The following DGKH variants were observed in gnomAD, a reference collection of about 807,000 sequenced individuals.
DGKH encodes diacylglycerol kinase eta.
DGKH carries 90 observed loss-of-function variants against 159.3 expected under a neutral mutation model. The observed-to-expected ratio is 0.57, with a 90% confidence interval of 0.48 to 0.67. DGKH has a LOEUF of 0.67. Ranked by LOEUF, DGKH falls within the 30% of genes least tolerant of loss-of-function variation. The pLI, the probability that DGKH is intolerant of heterozygous loss-of-function variation, is 0.00. For missense variants in DGKH, 1,181 were observed against 1,506.1 expected, an observed-to-expected ratio of 0.78 and a Z score of 3.57; for synonymous variants, 536 against 553.8, an observed-to-expected ratio of 0.97 and a Z score of 0.45.
At chr13:42,132,856 G>A (rs1318386968) in intron 3 of DGKH, among the ~76,000 whole-genome samples, 1 of 152,132 alleles carries the variant, frequency 6.6e-6, no homozygotes, top group Admixed American at 6.5e-5. Flanking sequence ...GGGCAACAGA[G>A]TGAGACCCTG....
intron 13 of DGKH, among the ~76,000 whole-genome samples, chr13:42,179,609 A>T (rs1373399926): frequency 2.6e-5 from 4 of 151,878 alleles, no homozygotes; most frequent in African/African-American, 2.4e-5. Flanking sequence ...CCTCATCTCT[A>T]CTCAAAGTAT....
intron 1 of DGKH, among the ~76,000 whole-genome samples, chr13:42,119,732 G>A (rs1309882491): frequency 6.6e-6 from 1 of 152,042 alleles, no homozygotes; most frequent in Non-Finnish European, 1.5e-5. Context: ...ATTTCTAAAT[G>A]TGCATTTCAG....
rs112993468 is a variant in DGKH, at chr13:42,215,255, T to C, written c.3121-320T>C. ...AGTCTAAAAAGCAATATGGTTAGTG[T>C]TACTGAGAGTAAAAGTTTTTTTTGA... On this transcript the variant is annotated intron_variant, in intron 25 of 29. Transcript: ENST00000337343. Among the ~76,000 whole-genome samples the C allele has an allele frequency of 3.4e-5, 5 of 146,504 alleles. 1 individual carries two copies. The highest frequency in any genetic ancestry group is 1.3e-4 in the African/African-American group (5 of 39,588).
At chr13:42,125,511 C>T (rs1250157767) in intron 1 of DGKH, among the ~76,000 whole-genome samples, 1 of 152,164 alleles carries the variant, frequency 6.6e-6, no homozygotes, top group Non-Finnish European at 1.5e-5. Flanking sequence ...CAGGTTCATA[C>T]TGTTATTGTA....
At chr13:42,118,876 G>C (rs1955012170) in intron 1 of DGKH, among the ~76,000 whole-genome samples, 1 of 152,130 alleles carries the variant, frequency 6.6e-6, no homozygotes, top group Non-Finnish European at 1.5e-5. Context: ...AAAATTACAC[G>C]CAAAACCATG....
At chr13:42,069,333 G>A in intron 1 of DGKH, 1 of 1,291,234 alleles carries the variant, frequency 7.7e-7, no homozygotes, top group South Asian at 1.3e-5. Flanking sequence ...TGGGTACAAA[G>A]TTTCTAATTG....
rs368115089 is a variant in DGKH, at chr13:42,124,498, G to A, written c.193-2965G>A. ...ACATGTTATTTCCTTTCTGTATTGG[G>A]ATTCCATGTTATGAAATATTGCTAA... On this transcript the variant is annotated intron_variant, in intron 1 of 29. Transcript: ENST00000337343. Among the ~76,000 whole-genome samples, 7 of 152,274 alleles carry A rather than the reference G, an allele frequency of 4.6e-5. No homozygotes were observed. The East Asian group carries it at 1.2e-3, about 25-fold the overall frequency.
At chr13:42,049,005 C>T in intron 1 of DGKH, 40 bp downstream of exon 1, 1 of 1,199,948 alleles carries the variant, frequency 8.3e-7, no homozygotes, top group Non-Finnish European at 1.0e-6. Flanking sequence ...GCGTGGAAAG[C>T]GGGAGGTGGA....
intron 1 of DGKH, among the ~76,000 whole-genome samples, chr13:42,089,143 A>C (rs1270062239): frequency 6.6e-6 from 1 of 152,184 alleles, no homozygotes; most frequent in Non-Finnish European, 1.5e-5. Context: ...TGAAAGGAGA[A>C]ATGGACAAAT....
chr13:42,255,410 C>A (rs753452400), intron 30 of DGKH, among the ~76,000 whole-genome samples: 3 of 151,844 alleles, frequency 2.0e-5, no homozygotes, highest in Non-Finnish European at 2.9e-5. Flanking sequence ...GCTGTCAGTG[C>A]TATCTCTGAG....
At chr13:42,043,439 GAGGGAT>G (rs1880631365) in intron 1 of DGKH, among the ~76,000 whole-genome samples, 1 of 150,982 alleles carries the variant, frequency 6.6e-6, no homozygotes, top group Non-Finnish European at 1.5e-5. Context: ...CTGCAGCCAG[GAGGGAT>G]CCTCCCGTCT....
intron 1 of DGKH, among the ~76,000 whole-genome samples, chr13:42,120,812 A>G (rs1282248662): frequency 6.6e-6 from 1 of 152,176 alleles, no homozygotes; most frequent in East Asian, 1.9e-4. Flanking sequence ...TTTAGTGTGT[A>G]TATTGTGTGT....
chr13:42,120,643 G>T (rs1164709122), intron 1 of DGKH, among the ~76,000 whole-genome samples: 1 of 151,978 alleles, frequency 6.6e-6, no homozygotes, highest in East Asian at 1.9e-4. Context: ...ACCATATTAA[G>T]GATATGATTT....
At chr13:42,073,197 G>A (rs1256904141) in intron 1 of DGKH, among the ~76,000 whole-genome samples, 1 of 152,242 alleles carries the variant, frequency 6.6e-6, no homozygotes, top group Non-Finnish European at 1.5e-5. Context: ...TTTTAGAGCA[G>A]TGTCCTGCTC....
At chr13:42,214,087 CTT>C (rs1396034359) in intron 24 of DGKH, among the ~76,000 whole-genome samples, 6 of 152,318 alleles carry the variant, frequency 3.9e-5, no homozygotes, top group Non-Finnish European at 2.9e-5. Context: ...CTTATGATCA[CTT>C]TGTGTATTGA....
At chr13:42,224,986 A>G (rs745825263) in intron 29 of DGKH, among the ~76,000 whole-genome samples, 4 of 152,126 alleles carry the variant, frequency 2.6e-5, no homozygotes, top group Non-Finnish European at 5.9e-5. Context: ...CAGTAATGCA[A>G]TCATGGCTCA....
intron 29 of DGKH, among the ~76,000 whole-genome samples, chr13:42,251,667 C>A (rs1958621099): frequency 6.6e-6 from 1 of 152,130 alleles, no homozygotes; most frequent in Non-Finnish European, 1.5e-5. Context: ...TTATATCCCT[C>A]CCATCCTCTC....
chr13:42,173,761 G>C (rs1956525413), intron 11 of DGKH, among the ~76,000 whole-genome samples: 2 of 152,144 alleles, frequency 1.3e-5, no homozygotes, highest in Non-Finnish European at 2.9e-5. Context: ...TGGGGGCGTT[G>C]TAACGTGTGG....
chr13:42,184,037 A>G (rs955270675), intron 13 of DGKH, among the ~76,000 whole-genome samples: 2 of 152,220 alleles, frequency 1.3e-5, no homozygotes, highest in African/African-American at 2.4e-5. Context: ...TAGAATTTAG[A>G]TTTGGAATCT....
Sources: gnomAD v4.1 joint callset for allele counts (sites outside exome capture counted in the v4.1 genomes callset) on GRCh38, gnomAD v4.1.1 for gene constraint, MANE v1.5 for transcripts, NCBI Gene and HGNC (gene_info 2026-07-23, HGNC 2026-07-21) for gene names.